GPC6: variants seen among roughly 807,000 people sequenced by gnomAD.
GPC6 encodes the protein glypican 6, also known as glypican-6.
In GPC6, 14 loss-of-function variants were observed where a neutral mutation model predicts 55.2. The observed-to-expected ratio is 0.25, with a 90% CI of 0.17 to 0.40. GPC6 has a LOEUF of 0.40. Ranked by LOEUF, GPC6 falls within the 10% of genes least tolerant of loss-of-function variation. The probability of loss-of-function intolerance (pLI) is 1.00; values close to 1 mark genes in which losing one functional copy is unlikely to be tolerated. For missense variants in GPC6, 641 were observed against 708.5 expected (o/e 0.90, Z 1.08); for synonymous variants, 278 against 259.6 (o/e 1.07, Z -0.68).
At chr13:94,076,992 A>T (rs1884940703) in intron 4 of GPC6, among the ~76,000 whole-genome samples, 2 of 126,982 alleles carry the variant, frequency 1.6e-5, no homozygotes, top group African/African-American at 2.9e-5. Flanking sequence ...GCTTTATATG[A>T]ATTTTAGGAT....
intron 1 of GPC6, among the ~76,000 whole-genome samples, chr13:93,434,187 CAG>C (rs956007880): frequency 6.6e-6 from 1 of 152,158 alleles, no homozygotes; most frequent in Non-Finnish European, 1.5e-5. Context: ...ACCGTTCTCA[CAG>C]AGTCATGGCC....
At chr13:94,135,542 TG>T (rs1887157001) in intron 4 of GPC6, among the ~76,000 whole-genome samples, 1 of 152,222 alleles carries the variant, frequency 6.6e-6, no homozygotes, top group African/African-American at 2.4e-5. Context: ...TGCTAGAACC[TG>T]CAGGGGAATG....
At chr13:94,308,192 G>A (rs1458783647) in intron 6 of GPC6, among the ~76,000 whole-genome samples, 1 of 152,130 alleles carries the variant, frequency 6.6e-6, no homozygotes, top group South Asian at 2.1e-4. Flanking sequence ...TCATCCCCGG[G>A]AGAAATAAAC....
intron 4 of GPC6, among the ~76,000 whole-genome samples, chr13:94,099,548 T>A (rs1885780100): frequency 6.6e-6 from 1 of 152,158 alleles, no homozygotes; most frequent in African/African-American, 2.4e-5. Context: ...ACTTCCTATT[T>A]CTTCTCATCT....
chr13:93,242,822 C>G, intron 1 of GPC6, among the ~76,000 whole-genome samples: 1 of 152,088 alleles, frequency 6.6e-6, no homozygotes, highest in Non-Finnish European at 1.5e-5. Flanking sequence ...CCCTGGGGAA[C>G]AGACCACCGT....
chr13:93,784,483 T>C (rs926039767), intron 2 of GPC6, among the ~76,000 whole-genome samples: 5 of 152,170 alleles, frequency 3.3e-5, no homozygotes, highest in African/African-American at 1.2e-4. Flanking sequence ...CTCAAAAACA[T>C]GGATTTTACA....
intron 3 of GPC6, among the ~76,000 whole-genome samples, chr13:93,883,081 A>C (rs1875095298): frequency 6.6e-6 from 1 of 151,224 alleles, no homozygotes; most frequent in Non-Finnish European, 1.5e-5. Context: ...TAAAATTCCC[A>C]ATCTTACTGC....
At chr13:93,309,329 T>C (rs1878983141) in intron 1 of GPC6, among the ~76,000 whole-genome samples, 1 of 152,164 alleles carries the variant, frequency 6.6e-6, no homozygotes, top group Non-Finnish European at 1.5e-5. Context: ...CTATAATATT[T>C]GAAATATAAA....
intron 4 of GPC6, among the ~76,000 whole-genome samples, chr13:94,266,437 G>A (rs999377579): frequency 2.6e-5 from 4 of 152,098 alleles, no homozygotes; most frequent in Non-Finnish European, 5.9e-5. Flanking sequence ...CAAAGTGCTG[G>A]GATTACAGGC....
At chr13:93,368,476 T>G (rs1236058211) in intron 1 of GPC6, among the ~76,000 whole-genome samples, 1 of 151,698 alleles carries the variant, frequency 6.6e-6, no homozygotes, top group Admixed American at 6.6e-5. Flanking sequence ...TTAAAAAGCT[T>G]GGTTGTAAAA....
chr13:93,472,793 T>C (rs1879170134), intron 1 of GPC6, among the ~76,000 whole-genome samples: 1 of 152,138 alleles, frequency 6.6e-6, no homozygotes, highest in Admixed American at 6.5e-5. Context: ...TCCGAGTTCT[T>C]CTCTTGCAAC....
intron 6 of GPC6, among the ~76,000 whole-genome samples, chr13:94,309,955 G>A (rs1006034925): frequency 6.6e-6 from 1 of 152,116 alleles, no homozygotes; most frequent in Non-Finnish European, 1.5e-5. Flanking sequence ...TCTTAAATGT[G>A]TACTCTGCAA....
intron 8 of GPC6, among the ~76,000 whole-genome samples, chr13:94,401,944 T>A (rs200352857): frequency 4.7e-5 from 7 of 149,748 alleles, no homozygotes; most frequent in East Asian, 2.3e-4. Context: ...ATTGATTGAT[T>A]GATAGATAGA....
At chr13:93,560,484 C>A (rs1447419501) in intron 2 of GPC6, among the ~76,000 whole-genome samples, 1 of 152,088 alleles carries the variant, frequency 6.6e-6, no homozygotes, top group Non-Finnish European at 1.5e-5. Context: ...CACACCACTG[C>A]ACTGTAGCCT....
At chr13:94,351,051 A>G (rs1878515461) in intron 6 of GPC6, among the ~76,000 whole-genome samples, 2 of 152,134 alleles carry the variant, frequency 1.3e-5, no homozygotes, top group Non-Finnish European at 2.9e-5. Flanking sequence ...AAGATTTTAG[A>G]TGAGTGGGTA....
chr13:93,487,920 A>C (rs1358543450), intron 1 of GPC6, among the ~76,000 whole-genome samples: 1 of 152,208 alleles, frequency 6.6e-6, no homozygotes, highest in East Asian at 1.9e-4. Context: ...TTACAAGTTA[A>C]ACAATAAAAA....
chr13:93,464,361 AACTTCT>A, intron 1 of GPC6, among the ~76,000 whole-genome samples: 1 of 152,306 alleles, frequency 6.6e-6, no homozygotes, highest in Non-Finnish European at 1.5e-5. Context: ...GCCATGGTAG[AACTTCT>A]CTCACAAGTG....
rs142184165 is a variant in GPC6 at position 93,889,736 on chromosome 13, A to G, written c.711+59191A>G. Among the ~76,000 whole-genome samples, 411 of 152,188 alleles carry G rather than the reference A, an allele frequency of 2.7e-3. 2 individuals are homozygous for G. Among genetic ancestry groups the G allele is most frequent in the Middle Eastern group, 0.014 (4 of 294 alleles). ...AAAGGTTTCTTTTTATTCTGGCCCC[A>G]TGGGGAAAGATTTGCCATTTGATCA... is the stretch of plus-strand genomic sequence containing the variant. On this transcript the variant is annotated intron_variant, in intron 3 of 8. Transcript: ENST00000377047.
intron 6 of GPC6, among the ~76,000 whole-genome samples, chr13:94,328,480 G>A (rs1177697547): frequency 1.3e-5 from 2 of 152,188 alleles, no homozygotes; most frequent in African/African-American, 2.4e-5. Context: ...TGGGGATGCT[G>A]GAACAAAGCT....
Sources: gnomAD v4.1 joint callset for allele counts (sites outside exome capture counted in the v4.1 genomes callset) on GRCh38, gnomAD v4.1.1 for gene constraint, MANE v1.5 for transcripts, NCBI Gene and HGNC (gene_info 2026-07-23, HGNC 2026-07-21) for gene names.